Variants in PCDH9 observed in about 807,000 individuals in gnomAD.
PCDH9 encodes the protein protocadherin-9.
A neutral mutation model predicts 70.6 loss-of-function variants in PCDH9; 24 were observed. The ratio of observed to expected loss-of-function variants is 0.34; its 90% CI spans 0.25 to 0.48. PCDH9 has a LOEUF of 0.48. Ranked by LOEUF, PCDH9 falls within the 20% of genes least tolerant of loss-of-function variation. The pLI is 0.99. For synonymous variants in PCDH9, 562 were observed against 558.5 expected (o/e 1.01, Z -0.09); for missense variants, 1,281 against 1,503.6 (o/e 0.85, Z 2.45).
intron 4 of PCDH9, among the ~76,000 whole-genome samples, chr13:66,435,895 A>T (rs1305661248): frequency 6.6e-6 from 1 of 152,094 alleles, no homozygotes; most frequent in Non-Finnish European, 1.5e-5. Context: ...GAGCCCTCAC[A>T]TTTTAATTCT....
chr13:66,753,640 G>A (rs2079494177), intron 3 of PCDH9, among the ~76,000 whole-genome samples: 1 of 152,150 alleles, frequency 6.6e-6, no homozygotes, highest in Admixed American at 6.5e-5. Context: ...GAGCAGAGCA[G>A]GCTCTCTATA....
chr13:66,715,897 T>C (rs1238542252), intron 3 of PCDH9, among the ~76,000 whole-genome samples: 1 of 152,180 alleles, frequency 6.6e-6, no homozygotes, highest in African/African-American at 2.4e-5. Context: ...GCTTTCGCAG[T>C]TGTACTAGTA....
intron 2 of PCDH9, among the ~76,000 whole-genome samples, chr13:67,084,126 G>T (rs1395618650): frequency 1.3e-5 from 2 of 152,170 alleles, no homozygotes; most frequent in East Asian, 3.9e-4. Flanking sequence ...ATAGCAGCTT[G>T]AAACAGTAGC....
intron 2 of PCDH9, among the ~76,000 whole-genome samples, chr13:67,128,932 T>C (rs1351715295): frequency 3.3e-5 from 5 of 152,308 alleles, no homozygotes; most frequent in Non-Finnish European, 7.3e-5. Flanking sequence ...AGTGGTAAGT[T>C]TGAGCTGGGT....
At chr13:67,061,065 C>T (rs2085529884) in intron 2 of PCDH9, among the ~76,000 whole-genome samples, 1 of 152,006 alleles carries the variant, frequency 6.6e-6, no homozygotes, top group Non-Finnish European at 1.5e-5. Flanking sequence ...CTTTTGTACT[C>T]ATATGAAGTT....
At chr13:66,466,284 G>A (rs1958513130) in intron 4 of PCDH9, among the ~76,000 whole-genome samples, 1 of 150,816 alleles carries the variant, frequency 6.6e-6, no homozygotes, top group African/African-American at 2.4e-5. Flanking sequence ...GATACACTAT[G>A]AATTCTAATT....
At chr13:66,423,028 C>T (rs539866310) in intron 4 of PCDH9, among the ~76,000 whole-genome samples, 1 of 152,174 alleles carries the variant, frequency 6.6e-6, no homozygotes, top group East Asian at 1.9e-4. Flanking sequence ...ACTGTAAACA[C>T]CTCTACACAA....
chr13:66,401,875 C>T (rs1957194921), intron 4 of PCDH9, among the ~76,000 whole-genome samples: 1 of 152,118 alleles, frequency 6.6e-6, no homozygotes. Context: ...GTTAGTTTCC[C>T]TTTCTGCCAG....
chr13:67,025,584 C>A (rs1389588046), intron 2 of PCDH9, among the ~76,000 whole-genome samples: 1 of 152,030 alleles, frequency 6.6e-6, no homozygotes, highest in Non-Finnish European at 1.5e-5. Context: ...ACACAACTTG[C>A]ATTTGTTGAA....
At chr13:66,909,435 CA>C (rs796567431) in intron 2 of PCDH9, among the ~76,000 whole-genome samples, 42 of 143,430 alleles carry the variant, frequency 2.9e-4, no homozygotes, top group South Asian at 6.6e-4. Flanking sequence ...CACAGAATTA[CA>C]AAAAAAAAAA....
chr13:66,803,357 A>G (rs2139344720), intron 3 of PCDH9, among the ~76,000 whole-genome samples: 1 of 152,320 alleles, frequency 6.6e-6, no homozygotes, highest in African/African-American at 2.4e-5. Flanking sequence ...GTCAAAAGAT[A>G]ACATTTAAGA....
At chr13:66,419,403 A>G (rs575615502) in intron 4 of PCDH9, among the ~76,000 whole-genome samples, 4 of 152,148 alleles carry the variant, frequency 2.6e-5, no homozygotes, top group Admixed American at 2.0e-4. Context: ...TGCAGCTCCC[A>G]GCGAGACAAA....
intron 2 of PCDH9, among the ~76,000 whole-genome samples, chr13:67,016,830 CT>C (rs2084571395): frequency 6.6e-6 from 1 of 152,118 alleles, no homozygotes; most frequent in Non-Finnish European, 1.5e-5. Context: ...TGTGTAGGTT[CT>C]ACTTAAGAAT....
intron 3 of PCDH9, among the ~76,000 whole-genome samples, chr13:66,731,902 T>G (rs1265834494): frequency 6.6e-6 from 1 of 152,028 alleles, no homozygotes; most frequent in Non-Finnish European, 1.5e-5. Flanking sequence ...CTGCTATATT[T>G]CTTAAAACAT....
intron 2 of PCDH9, among the ~76,000 whole-genome samples, chr13:67,018,109 C>T (rs1442352065): frequency 6.6e-6 from 1 of 152,150 alleles, no homozygotes; most frequent in Non-Finnish European, 1.5e-5. Flanking sequence ...CATTCTTGGA[C>T]ACTATCTTGT....
intron 2 of PCDH9, among the ~76,000 whole-genome samples, chr13:67,035,643 A>G (rs260151): frequency 1 from 150,394 of 150,456 alleles, 75,166 homozygotes; most frequent in Non-Finnish European, 1. Context: ...AAAAAAATGA[A>G]TAGTAATAAT....
chr13:66,604,477 A>C (rs1371182249), intron 4 of PCDH9, among the ~76,000 whole-genome samples: 2 of 152,080 alleles, frequency 1.3e-5, no homozygotes, highest in Admixed American at 1.3e-4. Flanking sequence ...TGTATAATTA[A>C]ACCTATGTTT....
chr13:67,225,535 A>T lies in PCDH9; in HGVS notation c.2906T>A (p.Leu969Ter). 1 of 1,614,106 alleles carries T rather than the reference A, an allele frequency of 6.2e-7. No individual in the cohort carries two copies. The highest frequency in any genetic ancestry group is 8.5e-7 in the Non-Finnish European group (1 of 1,180,008). Residue 969 changes from leucine (L) to a stop codon, truncating the protein, a stop_gained, in exon 2 of 5, where the codon TTG (leucine) becomes TAG (stop). Transcript: ENST00000377865. LOFTEE classifies it high-confidence loss of function. The stretch of plus-strand genomic sequence containing the variant: ...ACAACCCCCAACAAAGGTGTTGTCC[A>T]AAGGGAGTTCCTGAATCACGTGGTG... Reference protein sequence around the residue: ...KKHHVIQELPLDNTFVGGCDT... With the variant: ...KKHHVIQELP
intron 2 of PCDH9, among the ~76,000 whole-genome samples, chr13:67,124,988 G>T (rs2086948105): frequency 6.6e-6 from 1 of 152,164 alleles, no homozygotes; most frequent in Non-Finnish European, 1.5e-5. Context: ...TAGAACCCAG[G>T]TTGTGCATAA....
Sources: gnomAD v4.1 joint callset for allele counts (sites outside exome capture counted in the v4.1 genomes callset) on GRCh38, gnomAD v4.1.1 for gene constraint, MANE v1.5 for transcripts, NCBI Gene and HGNC (gene_info 2026-07-23, HGNC 2026-07-21) for gene names.